CREBRF: variants seen among roughly 807,000 people sequenced by gnomAD.
The protein encoded by CREBRF is UPF0474 protein C5orf41.
CREBRF carries 5 observed loss-of-function variants against 66.1 expected under a neutral mutation model. The ratio of observed to expected loss-of-function variants is 0.08; its 90% CI spans 0.04 to 0.16. CREBRF has a LOEUF of 0.16. Ranked by LOEUF, CREBRF falls within the 10% of genes least tolerant of loss-of-function variation. The probability of loss-of-function intolerance (pLI) is 1.00; values close to 1 mark genes in which losing one functional copy is unlikely to be tolerated. For synonymous variants in CREBRF, 229 were observed against 264.4 expected, an observed-to-expected ratio of 0.87 and a Z score of 1.30; for missense variants, 531 against 744.9, an observed-to-expected ratio of 0.71 and a Z score of 3.34.
intron 6 of CREBRF, 78 bp downstream of exon 6, chr5:173,110,789 G>A: frequency 1.0e-6 from 1 of 963,568 alleles, no homozygotes; most frequent in South Asian, 1.9e-5. Flanking sequence ...TTTATAGAAG[G>A]ACAACAAAGA....
At chr5:173,080,457 C>T in intron 1 of CREBRF, 128 bp from the exon 2 acceptor site, 1 of 324,012 alleles carries the variant, frequency 3.1e-6, no homozygotes, top group Non-Finnish European at 5.7e-6. Context: ...GATAACTCAA[C>T]CATAAGACTT....
chr5:173,073,214 G>T (rs1440024560), intron 1 of CREBRF, among the ~76,000 whole-genome samples: 2 of 152,172 alleles, frequency 1.3e-5, no homozygotes, highest in Admixed American at 6.5e-5. Context: ...TTGCTTGGAG[G>T]CATCCATTTA....
rs562447555 is a variant in CREBRF at position 173,058,037 on chromosome 5, C to CTT, written c.-192+1570_-192+1571dup. Among the ~76,000 whole-genome samples, 269 of 143,060 alleles carry CTT rather than the reference C, an allele frequency of 1.9e-3. 2 individuals carry two copies. Among genetic ancestry groups the CTT allele is most frequent in the African/African-American group, 5.8e-3 (229 of 39,598 alleles). The allele number at this position is 143,060 out of a possible 152,430, so 93.9% of individuals were successfully genotyped here. A position where few individuals can be genotyped will look rare whatever the true frequency, so the allele number is the denominator to read the frequency against. On this transcript the variant is annotated intron_variant, in intron 1 of 8. Coordinates refer to ENST00000296953, the MANE Select transcript of CREBRF (RefSeq NM_153607.3). ...AAAATAGGATCAAGGCCTGGAATTTCTTTTTTTTTTTTTAAAGCAGAAAAC... is the reference window on the plus strand; with the variant it reads ...AAAATAGGATCAAGGCCTGGAATTTCTTTTTTTTTTTTTTTAAAGCAGAAAAC...
rs1759491471 is a variant in CREBRF, at chr5:173,132,566, C to T, written c.1805-1064C>T. On this transcript the variant is annotated intron_variant, in intron 8 of 8. Transcript: ENST00000296953. ...CTCTTTCCTCCCCCTCCCCCTCCCCCTCCCCCTCCCCCTCCCCCTCCCCTC... is the reference window on the plus strand; with the variant it reads ...CTCTTTCCTCCCCCTCCCCCTCCCCTTCCCCCTCCCCCTCCCCCTCCCCTC... 8.5e-4 allele frequency among the ~76,000 whole-genome samples: 2 copies of T among 2,346 alleles called. 1 individual carries two copies. Among genetic ancestry groups the T allele is most frequent in the African/African-American group, 3.4e-3 (2 of 594 alleles). The allele number at this position is 2,346 out of a possible 152,430, so 1.5% of individuals were successfully genotyped here.
In CREBRF at chr5:173,102,566, T is replaced by G. The variant is rs186317349; in HGVS notation, c.1223-6058T>G. On this transcript the variant is annotated intron_variant, in intron 4 of 8. Transcript: ENST00000296953. ...GAAGCAGGCCTGGAGCCTGGATCAT[T>G]TGGGGTCAGTCTGAAACCTGGGTCC... Among the ~76,000 whole-genome samples, 498 of 152,210 alleles carry G rather than the reference T, an allele frequency of 3.3e-3. 9 individuals are homozygous for G. The highest frequency in any genetic ancestry group is 0.026 in the Admixed American group (390 of 15,282).
At position 173,090,332 on chromosome 5, in the gene CREBRF, C is replaced by T; in HGVS notation, c.153C>T (p.Tyr51=). 1 of 1,596,204 alleles carries T rather than the reference C, an allele frequency of 6.3e-7. No individual in the cohort carries two copies. Among genetic ancestry groups the T allele is most frequent in the South Asian group, 1.1e-5 (1 of 90,496 alleles). The part of the protein sequence containing the change: ...FMYELDREMN[Y]QQNPRDNFLS... The stretch of plus-strand genomic sequence containing the variant: ...TTTCTCAGGATAGAGAGATGAACTA[C>T]CAACAGAATCCTAGAGACAACTTTC... The change falls in exon 4 of 9, where the codon TAC becomes TAT. Residue 51 remains tyrosine (Y), a synonymous_variant. Transcript: ENST00000296953. The surrounding 1 kb of genome is among the most constrained non-coding windows in gnomAD (Gnocchi z 4.5).
chr5:173,066,308 A>G (rs553406046), intron 1 of CREBRF, among the ~76,000 whole-genome samples: 2 of 152,156 alleles, frequency 1.3e-5, no homozygotes, highest in Non-Finnish European at 2.9e-5. Context: ...CAAAGATGCT[A>G]CTTCTTCAAA....
chr5:173,096,199 A>G (rs1000505354), intron 4 of CREBRF, among the ~76,000 whole-genome samples: 13 of 151,914 alleles, frequency 8.6e-5, no homozygotes, highest in Non-Finnish European at 1.2e-4. Flanking sequence ...TCGATCTCCT[A>G]ACCTTGTGAT....
intron 4 of CREBRF, among the ~76,000 whole-genome samples, chr5:173,100,254 G>A (rs1247183544): frequency 6.7e-6 from 1 of 148,870 alleles, no homozygotes; most frequent in Non-Finnish European, 1.5e-5. Context: ...GGGATTAGTA[G>A]TGTGAGTCAC....
chr5:173,114,684 A>T (rs542593000), intron 7 of CREBRF, among the ~76,000 whole-genome samples: 1 of 152,270 alleles, frequency 6.6e-6, no homozygotes, highest in South Asian at 2.1e-4. Flanking sequence ...TATACTACTC[A>T]TCTCATCCTA....
At position 173,090,710 on chromosome 5, in the gene CREBRF, C is replaced by G; in HGVS notation, c.531C>G (p.Ile177Met). ...PLPSSFPGKK[I>M]TSRAAAPVCS... ...CCTCTTCATTCCCTGGTAAAAAGATCACAAGCAGAGCAGCTGCTCCTGTGT... is the reference window on the plus strand; with the variant it reads ...CCTCTTCATTCCCTGGTAAAAAGATGACAAGCAGAGCAGCTGCTCCTGTGT... The change falls in exon 4 of 9, where the codon ATC becomes ATG. Residue 177 changes from isoleucine to methionine, a missense_variant. Physicochemically the swap from Ile to Met is conservative, Grantham distance 10. Coordinates refer to ENST00000296953, the MANE Select transcript of CREBRF (RefSeq NM_153607.3). This position sits in a 1 kb window ranked among gnomAD's most constrained non-coding sequence, Gnocchi z 4.5. 1 of 1,614,136 alleles carries G rather than the reference C, an allele frequency of 6.2e-7. No homozygotes were observed. Among genetic ancestry groups the G allele is most frequent in the Non-Finnish European group, 8.5e-7 (1 of 1,180,008 alleles).
chr5:173,088,110 C>T (rs1014890011), intron 3 of CREBRF, among the ~76,000 whole-genome samples: 8 of 151,852 alleles, frequency 5.3e-5, no homozygotes, highest in South Asian at 2.1e-4. Flanking sequence ...CCACCGTGCC[C>T]GGCCTTAAAC....
At chr5:173,066,759 G>C (rs893177885) in intron 1 of CREBRF, among the ~76,000 whole-genome samples, 1 of 135,648 alleles carries the variant, frequency 7.4e-6, no homozygotes, top group Non-Finnish European at 1.6e-5. Context: ...ACTTCTTTTA[G>C]TTAACATTGA....
intron 7 of CREBRF, among the ~76,000 whole-genome samples, chr5:173,115,382 CA>C (rs2113780819): frequency 6.6e-6 from 1 of 152,264 alleles, no homozygotes; most frequent in East Asian, 1.9e-4. Flanking sequence ...GCTGGGATTA[CA>C]GGCATGAGCC....
intron 4 of CREBRF, among the ~76,000 whole-genome samples, chr5:173,094,558 A>G (rs1050054924): frequency 1.8e-4 from 27 of 152,022 alleles, no homozygotes; most frequent in Non-Finnish European, 4.0e-4. Flanking sequence ...ATGTTTTCAT[A>G]TACTTGTTGG....
At chr5:173,082,009 T>TTTTTTGTTTTTTTTTTTTTG in intron 2 of CREBRF, among the ~76,000 whole-genome samples, 1 of 44,008 alleles carries the variant, frequency 2.3e-5, no homozygotes. Flanking sequence ...TTTAGTTTTT[T>TTTTTTGTTTTTTTTTTTTTG]TTTTTTTTTT....
intron 4 of CREBRF, among the ~76,000 whole-genome samples, chr5:173,100,131 A>ATAATT (rs1554125245): frequency 1.6e-4 from 7 of 42,862 alleles, no homozygotes; most frequent in African/African-American, 5.8e-4. Context: ...TATATATATA[A>ATAATT]TTTTTTTTTT....
intron 4 of CREBRF, among the ~76,000 whole-genome samples, chr5:173,105,865 G>A (rs1204419094): frequency 1.5e-5 from 2 of 137,576 alleles, no homozygotes; most frequent in Admixed American, 7.2e-5. Flanking sequence ...TGATCCGCCC[G>A]CCTCGGCCTC....
chr5:173,122,201 A>C (rs1481395042), intron 7 of CREBRF, among the ~76,000 whole-genome samples: 1 of 152,214 alleles, frequency 6.6e-6, no homozygotes, highest in Non-Finnish European at 1.5e-5. Flanking sequence ...TCCTGGGTTC[A>C]GGTAATTCTC....
Sources: gnomAD v4.1 joint callset for allele counts (sites outside exome capture counted in the v4.1 genomes callset) on GRCh38, gnomAD v4.1.1 for gene constraint, Gnocchi (gnomAD v3.1) non-coding constraint, MANE v1.5 for transcripts, NCBI Gene and HGNC (gene_info 2026-07-23, HGNC 2026-07-21) for gene names.